Variants in EIF3H observed in about 807,000 individuals in gnomAD.
EIF3H encodes the protein eIF-3-gamma.
A neutral mutation model predicts 44.2 loss-of-function variants in EIF3H; 26 were observed. The ratio of observed to expected loss-of-function variants is 0.59; its 90% CI spans 0.43 to 0.82. EIF3H has a LOEUF of 0.82. EIF3H is among the 40% of genes least tolerant of loss of function. EIF3H has a pLI of 0.00. For missense variants in EIF3H, 359 were observed against 432.8 expected, an observed-to-expected ratio of 0.83 and a Z score of 1.51; for synonymous variants, 166 against 151.9, an observed-to-expected ratio of 1.09 and a Z score of -0.68.
chr8:116,710,507 TTAATA>T (rs1027078859), intron 2 of EIF3H, among the ~76,000 whole-genome samples: 2 of 152,200 alleles, frequency 1.3e-5, no homozygotes, highest in African/African-American at 4.8e-5. Context: ...TCATTTTTAT[TTAATA>T]TAATACCTAG....
intron 1 of EIF3H, chr8:116,734,428 A>T: frequency 2.2e-6 from 1 of 454,916 alleles, no homozygotes; most frequent in South Asian, 1.6e-5. Flanking sequence ...TACATTTCAT[A>T]AATCACACAA....
At chr8:116,652,445 T>C (rs1268626444) in intron 5 of EIF3H, among the ~76,000 whole-genome samples, 1 of 152,204 alleles carries the variant, frequency 6.6e-6, no homozygotes, top group Non-Finnish European at 1.5e-5. Context: ...ACTAAAGGCA[T>C]GAGATTAAAA....
chr8:116,651,589 A>G (rs1363869274), intron 5 of EIF3H, among the ~76,000 whole-genome samples: 1 of 152,218 alleles, frequency 6.6e-6, no homozygotes, highest in Non-Finnish European at 1.5e-5. Context: ...GTCCAGTAAC[A>G]TGGTCTGATG....
At chr8:116,719,743 T>C (rs559686666) in intron 2 of EIF3H, among the ~76,000 whole-genome samples, 1 of 152,140 alleles carries the variant, frequency 6.6e-6, no homozygotes, top group Non-Finnish European at 1.5e-5. Flanking sequence ...CATGAGGTTA[T>C]GAAAAACTAA....
chr8:116,725,073 T>A (rs540997549), intron 2 of EIF3H, among the ~76,000 whole-genome samples: 6 of 152,210 alleles, frequency 3.9e-5, no homozygotes, highest in Admixed American at 2.6e-4. Context: ...ATGTGGTATA[T>A]ACAGATGATG....
intron 2 of EIF3H, among the ~76,000 whole-genome samples, chr8:116,675,405 T>C (rs1262375069): frequency 6.6e-6 from 1 of 152,198 alleles, no homozygotes; most frequent in Non-Finnish European, 1.5e-5. Flanking sequence ...AATTTTTTGT[T>C]GTGGAGGACT....
rs1815252522 is a variant in EIF3H at position 116,747,184 on chromosome 8, T to G, written c.132+8482A>C. The stretch of plus-strand genomic sequence containing the variant: ...TTCAAGCAGTTCTCCTGCCTCAGCC[T>G]CCTGAGTAACTGGGATTACAGGCAT... On this transcript the variant is annotated intron_variant, in intron 1 of 7. Coordinates refer to ENST00000521861, the MANE Select transcript of EIF3H (RefSeq NM_003756.3). Among the ~76,000 whole-genome samples the G allele has an allele frequency of 2.0e-5, 3 of 152,294 alleles. No homozygotes were observed. The South Asian group carries it at 6.2e-4, about 32-fold the overall frequency.
At chr8:116,759,452 A>G (rs780851096), upstream of EIF3H, among the ~76,000 whole-genome samples, 12 of 152,196 alleles carry the variant, frequency 7.9e-5, no homozygotes, top group Non-Finnish European at 1.3e-4. Context: ...CTGCCCAGTA[A>G]AAGTCAGGCT....
chr8:116,739,093 A>G (rs1815087770), intron 1 of EIF3H, among the ~76,000 whole-genome samples: 1 of 152,210 alleles, frequency 6.6e-6, no homozygotes, highest in Admixed American at 6.5e-5. Flanking sequence ...GTTTACTGGA[A>G]TAAGAGCAAG....
At chr8:116,696,714 T>C (rs1342846908) in intron 2 of EIF3H, among the ~76,000 whole-genome samples, 1 of 152,168 alleles carries the variant, frequency 6.6e-6, no homozygotes, top group Non-Finnish European at 1.5e-5. Flanking sequence ...TTTTTTGTTG[T>C]TGTTAGCATG....
intron 2 of EIF3H, among the ~76,000 whole-genome samples, chr8:116,704,102 C>G (rs1814428898): frequency 6.6e-6 from 1 of 152,202 alleles, no homozygotes; most frequent in Non-Finnish European, 1.5e-5. Flanking sequence ...CATTCTGATA[C>G]TCTGCTCCAT....
At chr8:116,756,064 A>G (rs1358371018), upstream of EIF3H, 1 of 1,442,210 alleles carries the variant, frequency 6.9e-7, no homozygotes, top group Middle Eastern at 1.7e-4. Context: ...ATTCACCACT[A>G]GGCAAACCGT....
chr8:116,657,193 C>T (rs369124182), intron 4 of EIF3H, 22 bp downstream of exon 4: 165 of 1,577,924 alleles, frequency 1.0e-4, no homozygotes, highest in Non-Finnish European at 1.4e-4. Flanking sequence ...CAACCCTTTA[C>T]CAGATGCCCC....
chr8:116,661,999 T>A (rs1385280747), intron 2 of EIF3H, among the ~76,000 whole-genome samples: 1 of 152,246 alleles, frequency 6.6e-6, no homozygotes, highest in Non-Finnish European at 1.5e-5. Flanking sequence ...TTCCATTTCC[T>A]CTTCCATGGT....
chr8:116,662,061 A>G (rs930801390), intron 2 of EIF3H, among the ~76,000 whole-genome samples: 5 of 152,246 alleles, frequency 3.3e-5, no homozygotes, highest in Admixed American at 3.3e-4. Context: ...TTTGTAAGTC[A>G]TAAGAGTTTT....
At chr8:116,764,371 A>AT (rs555496379) in intron 1 of EIF3H, among the ~76,000 whole-genome samples, 191 of 152,320 alleles carry the variant, frequency 1.3e-3, no homozygotes, top group Non-Finnish European at 1.8e-3. Context: ...CTAAATATTG[A>AT]TTTTCCATTA....
At chr8:116,739,986 A>C (rs1040931651) in intron 1 of EIF3H, among the ~76,000 whole-genome samples, 1 of 129,462 alleles carries the variant, frequency 7.7e-6, no homozygotes, top group Non-Finnish European at 1.6e-5. Flanking sequence ...GAAAGATGAA[A>C]ATAAAACACA....
chr8:116,757,278 G>C (rs1489927559), upstream of EIF3H, among the ~76,000 whole-genome samples: 2 of 149,836 alleles, frequency 1.3e-5, no homozygotes, highest in African/African-American at 4.9e-5. Context: ...GTACAACTGA[G>C]AGAGAGAGAG....
rs147729870 is a variant in EIF3H, at chr8:116,746,024, C to T, written c.132+9642G>A. Among the ~76,000 whole-genome samples the T allele has an allele frequency of 6.4e-3, 975 of 152,116 alleles. 5 individuals are homozygous for T. Among genetic ancestry groups the T allele is most frequent in the Non-Finnish European group, 9.6e-3 (656 of 68,000 alleles). ...ACGTACCAGTACTCTTCCCAATGCT[C>T]CTTAATATGCTGATTTTCTTTACTA... On this transcript the variant is annotated intron_variant, in intron 1 of 7. Coordinates refer to ENST00000521861, the MANE Select transcript of EIF3H (RefSeq NM_003756.3).
Sources: allele counts gnomAD v4.1 joint callset (sites outside exome capture counted in the v4.1 genomes callset), GRCh38; gene constraint gnomAD v4.1.1; transcripts MANE v1.5; gene names NCBI Gene and HGNC (gene_info 2026-07-23, HGNC 2026-07-21).